The following WDR7 variants were observed in gnomAD, a reference collection of about 807,000 sequenced individuals.
WDR7 encodes WD repeat domain 7, also known as WD repeat-containing protein 7.
A neutral mutation model predicts 169.4 loss-of-function variants in WDR7; 46 were observed. The ratio of observed to expected loss-of-function variants is 0.27; its 90% CI spans 0.21 to 0.35. WDR7 has a LOEUF of 0.35. WDR7 is among the 10% of genes least tolerant of loss of function. The pLI, the probability that WDR7 is intolerant of heterozygous loss-of-function variation, is 1.00. For synonymous variants in WDR7, 612 were observed against 666.8 expected (o/e 0.92, Z 1.27); for missense variants, 1,534 against 1,859.3 (o/e 0.83, Z 3.22).
At chr18:56,989,338 C>G (rs1046343336) in intron 26 of WDR7, among the ~76,000 whole-genome samples, 2 of 152,126 alleles carry the variant, frequency 1.3e-5, no homozygotes, top group Non-Finnish European at 2.9e-5. Context: ...AAGCTCCTCA[C>G]AAAATTTCCA....
At chr18:56,911,925 A>G (rs781236560) in intron 21 of WDR7, among the ~76,000 whole-genome samples, 1 of 152,186 alleles carries the variant, frequency 6.6e-6, no homozygotes, top group African/African-American at 2.4e-5. Context: ...GTACTTTTTA[A>G]TAATACTTTA....
At chr18:57,017,186 G>C (rs927682796) in intron 26 of WDR7, among the ~76,000 whole-genome samples, 1 of 152,160 alleles carries the variant, frequency 6.6e-6, no homozygotes, top group Non-Finnish European at 1.5e-5. Context: ...AAAGACAATG[G>C]CAACATTTCC....
intron 21 of WDR7, among the ~76,000 whole-genome samples, chr18:56,903,269 G>A (rs927292833): frequency 6.6e-6 from 1 of 152,092 alleles, no homozygotes; most frequent in South Asian, 2.1e-4. Context: ...GAATGAAGTT[G>A]TAATTAGTTC....
chr18:56,753,770 A>G (rs540049774), intron 14 of WDR7, among the ~76,000 whole-genome samples: 1 of 152,100 alleles, frequency 6.6e-6, no homozygotes, highest in East Asian at 1.9e-4. Context: ...GGAATAAGTA[A>G]ACGTATTTAT....
intron 27 of WDR7, among the ~76,000 whole-genome samples, chr18:57,025,496 A>C (rs1317490729): frequency 6.6e-6 from 1 of 152,230 alleles, no homozygotes; most frequent in African/African-American, 2.4e-5. Flanking sequence ...TGAAAGGGTG[A>C]CAGTAAGGAA....
intron 22 of WDR7, among the ~76,000 whole-genome samples, chr18:56,925,911 G>A (rs900909203): frequency 1.3e-5 from 2 of 152,132 alleles, no homozygotes; most frequent in African/African-American, 4.8e-5. Context: ...GTATCTACAA[G>A]TTGGGGCTAA....
rs2026003805 is a variant in WDR7 at position 56,708,145 on chromosome 18, T to A, written c.1579-9819T>A. 2.6e-5 allele frequency among the ~76,000 whole-genome samples: 4 copies of A among 151,884 alleles called. 1 individual carries two copies. In the South Asian group the frequency reaches 8.3e-4, roughly 32 times the overall value. The stretch of plus-strand genomic sequence containing the variant: ...GCCTCCCAGGTTCAAGCGATTCTTG[T>A]GCCTCAGCCTCCTGAGTAGCTGGGA... On this transcript the variant is annotated intron_variant, in intron 12 of 27. Transcript: ENST00000254442.
chr18:56,675,456 T>C (rs1325032349), intron 2 of WDR7, among the ~76,000 whole-genome samples: 1 of 152,184 alleles, frequency 6.6e-6, no homozygotes, highest in Non-Finnish European at 1.5e-5. Flanking sequence ...CAAAGAATTT[T>C]ATTTTTTGAA....
chr18:56,798,877 T>C (rs1355654169), intron 19 of WDR7, among the ~76,000 whole-genome samples: 1 of 152,226 alleles, frequency 6.6e-6, no homozygotes, highest in African/African-American at 2.4e-5. Flanking sequence ...GAATTGCTTC[T>C]GGTGAATAAT....
intron 20 of WDR7, among the ~76,000 whole-genome samples, chr18:56,846,954 G>A (rs913974219): frequency 7.2e-5 from 11 of 152,324 alleles, no homozygotes; most frequent in African/African-American, 2.4e-4. Flanking sequence ...GAGGAATGGG[G>A]CATTGCTTTA....
intron 20 of WDR7, among the ~76,000 whole-genome samples, chr18:56,819,367 A>G (rs1416115466): frequency 1.3e-5 from 2 of 150,996 alleles, no homozygotes; most frequent in African/African-American, 4.8e-5. Flanking sequence ...TGTCATTTAA[A>G]AAATATGCTG....
At chr18:56,851,687 A>G (rs983073105) in intron 20 of WDR7, among the ~76,000 whole-genome samples, 1 of 152,186 alleles carries the variant, frequency 6.6e-6, no homozygotes, top group African/African-American at 2.4e-5. Flanking sequence ...ATGTCATACA[A>G]AATGTCAGGG....
intron 14 of WDR7, among the ~76,000 whole-genome samples, chr18:56,748,212 G>T (rs2043734949): frequency 6.6e-6 from 1 of 152,096 alleles, no homozygotes; most frequent in Non-Finnish European, 1.5e-5. Context: ...ACACCTTATT[G>T]AGGTAGGCAG....
At chr18:56,811,748 C>G (rs1017344145) in intron 19 of WDR7, among the ~76,000 whole-genome samples, 8 of 152,010 alleles carry the variant, frequency 5.3e-5, no homozygotes, top group Admixed American at 2.0e-4. Flanking sequence ...CTTCCCCCAT[C>G]GAATTGGTTT....
chr18:56,683,539 C>T (rs1005204424), intron 5 of WDR7, among the ~76,000 whole-genome samples: 4 of 152,148 alleles, frequency 2.6e-5, no homozygotes, highest in Admixed American at 1.3e-4. Flanking sequence ...CCACTACCAC[C>T]GGTATCAGCA....
intron 26 of WDR7, among the ~76,000 whole-genome samples, chr18:57,001,276 C>T (rs1027596400): frequency 3.9e-5 from 6 of 152,048 alleles, no homozygotes; most frequent in African/African-American, 9.7e-5. Flanking sequence ...AGGAGAAGAA[C>T]ACTTCCAGCA....
At chr18:56,706,699 T>A (rs1335467068) in intron 12 of WDR7, among the ~76,000 whole-genome samples, 2 of 152,100 alleles carry the variant, frequency 1.3e-5, no homozygotes, top group Non-Finnish European at 2.9e-5. Context: ...ATTTTTATTT[T>A]TTTTTTGAGA....
intron 25 of WDR7, among the ~76,000 whole-genome samples, chr18:56,945,758 T>G (rs574730481): frequency 3.7e-4 from 57 of 152,240 alleles, no homozygotes; most frequent in South Asian, 1.5e-3. Flanking sequence ...CCTGGCAATT[T>G]CATAGCCTCC....
intron 26 of WDR7, among the ~76,000 whole-genome samples, chr18:56,998,582 A>G (rs2047931589): frequency 6.6e-6 from 1 of 152,194 alleles, no homozygotes; most frequent in Non-Finnish European, 1.5e-5. Flanking sequence ...AGCACATCCC[A>G]CATAGAATTC....
Sources: allele counts gnomAD v4.1 joint callset (sites outside exome capture counted in the v4.1 genomes callset), GRCh38; gene constraint gnomAD v4.1.1; transcripts MANE v1.5; gene names NCBI Gene and HGNC (gene_info 2026-07-23, HGNC 2026-07-21).